XIRP2: variants seen among roughly 807,000 people sequenced by gnomAD.
XIRP2 encodes xin actin binding repeat containing 2, also known as xin actin-binding repeat-containing protein 2.
A neutral mutation model predicts 277.0 loss-of-function variants in XIRP2; 236 were observed. The ratio of observed to expected loss-of-function variants is 0.85; its 90% CI spans 0.77 to 0.95. The LOEUF is 0.95. Among genes scored for constraint, XIRP2 ranks in the 40% least tolerant of loss-of-function variants. XIRP2 has a pLI of 0.00. For synonymous variants in XIRP2, 1,490 were observed against 1,416.5 expected (o/e 1.05, Z -1.17); for missense variants, 4,640 against 4,157.5 (o/e 1.12, Z -3.19).
At chr2:166,965,826 A>T (rs4233812) in intron 2 of XIRP2, among the ~76,000 whole-genome samples, 79,828 of 151,586 alleles carry the variant, frequency 0.53, 23,068 homozygotes, top group East Asian at 0.82. Context: ...CAAGCCATCC[A>T]CCCACCTTGC....
chr2:167,221,460 C>CCA, intron 5 of XIRP2, among the ~76,000 whole-genome samples: 1 of 63,458 alleles, frequency 1.6e-5, no homozygotes, highest in Non-Finnish European at 3.6e-5. Context: ...AACTCCATCT[C>CCA]AAAAAAAAAA....
At chr2:167,199,039 G>A (rs1272026735) in intron 3 of XIRP2, among the ~76,000 whole-genome samples, 1 of 152,174 alleles carries the variant, frequency 6.6e-6, no homozygotes, top group Admixed American at 6.5e-5. Context: ...CAAACAAGAA[G>A]TGTGATTAGT....
chr2:167,068,828 A>G (rs983247145), intron 2 of XIRP2, among the ~76,000 whole-genome samples: 12 of 152,178 alleles, frequency 7.9e-5, no homozygotes, highest in African/African-American at 2.9e-4. Context: ...TAAATGTTAT[A>G]AGATGTGTCT....
intron 2 of XIRP2, among the ~76,000 whole-genome samples, chr2:167,135,194 A>C (rs957234941): frequency 6.6e-6 from 1 of 152,104 alleles, no homozygotes; most frequent in African/African-American, 2.4e-5. Flanking sequence ...TTTTTATTCA[A>C]AATATTTAGT....
chr2:166,889,227 A>G (rs1684034992), intron 1 of XIRP2, among the ~76,000 whole-genome samples: 1 of 152,192 alleles, frequency 6.6e-6, no homozygotes, highest in Non-Finnish European at 1.5e-5. Flanking sequence ...TCTGAATTCT[A>G]AAAACAGCAA....
chr2:167,018,797 A>G (rs528530523), intron 2 of XIRP2, among the ~76,000 whole-genome samples: 43 of 152,106 alleles, frequency 2.8e-4, no homozygotes, highest in Middle Eastern at 6.8e-3. Flanking sequence ...CTTAGTGTGC[A>G]TTTCCACTGA....
Position 166,911,929 on chromosome 2 carries a change from T to TA in XIRP2, c.408+8039_408+8040insA, listed in dbSNP as rs1205171892. The stretch of plus-strand genomic sequence containing the variant: ...AAATACTTTTCTTTAAGAATGTTGA[T>TA]TTGGCCTCCACTCTCTTCTGGCTTG... On this transcript the variant is annotated intron_variant, in intron 2 of 10. Transcript: ENST00000409195. Among the ~76,000 whole-genome samples, 93 of 151,324 alleles carry TA rather than the reference T, an allele frequency of 6.1e-4. 1 individual carries two copies. In the South Asian group the frequency reaches 0.018, roughly 29 times the overall value.
chr2:167,032,044 C>T (rs974708636), intron 2 of XIRP2, among the ~76,000 whole-genome samples: 9 of 152,132 alleles, frequency 5.9e-5, no homozygotes, highest in African/African-American at 2.2e-4. Flanking sequence ...TGCTACCTGA[C>T]TTCAAACTAT....
intron 2 of XIRP2, among the ~76,000 whole-genome samples, chr2:167,082,690 T>C (rs985347888): frequency 5.9e-5 from 9 of 152,240 alleles, no homozygotes; most frequent in Admixed American, 3.9e-4. Context: ...ATTTCTCTGA[T>C]GGCCACTGAT....
chr2:166,912,467 T>G (rs576879773), intron 2 of XIRP2, among the ~76,000 whole-genome samples: 1 of 152,372 alleles, frequency 6.6e-6, no homozygotes, highest in East Asian at 1.9e-4. Context: ...ATCAGGTCAT[T>G]TAATGACTTC....
intron 2 of XIRP2, among the ~76,000 whole-genome samples, chr2:167,038,030 A>G (rs1027016855): frequency 6.6e-6 from 1 of 152,106 alleles, no homozygotes; most frequent in African/African-American, 2.4e-5. Context: ...GCATTAGGAA[A>G]AAACAATTTG....
At chr2:167,109,424 G>T (rs1485418080) in intron 2 of XIRP2, among the ~76,000 whole-genome samples, 1 of 152,074 alleles carries the variant, frequency 6.6e-6, no homozygotes, top group Non-Finnish European at 1.5e-5. Flanking sequence ...GGGACTACAG[G>T]CATGTGCCAC....
At chr2:167,066,389 A>G (rs2105245440) in intron 2 of XIRP2, among the ~76,000 whole-genome samples, 1 of 152,136 alleles carries the variant, frequency 6.6e-6, no homozygotes, top group East Asian at 1.9e-4. Context: ...GCTCAGCATC[A>G]CTATCAGGAA....
At chr2:166,941,039 A>G (rs1466339989) in intron 2 of XIRP2, among the ~76,000 whole-genome samples, 3 of 152,190 alleles carry the variant, frequency 2.0e-5, no homozygotes, top group Non-Finnish European at 2.9e-5. Context: ...CCTTGCCCCG[A>G]GAGGTGGAGT....
intron 2 of XIRP2, among the ~76,000 whole-genome samples, chr2:167,038,970 A>G (rs1256647420): frequency 1.3e-5 from 2 of 152,156 alleles, no homozygotes; most frequent in African/African-American, 4.8e-5. Flanking sequence ...CTGACAAGCA[A>G]AACAGCTGAC....
At chr2:167,204,820 C>T (rs1693812763) in intron 3 of XIRP2, among the ~76,000 whole-genome samples, 1 of 151,726 alleles carries the variant, frequency 6.6e-6, no homozygotes, top group African/African-American at 2.4e-5. Flanking sequence ...ATTTTTTTTA[C>T]TTTGAATTTT....
intron 2 of XIRP2, among the ~76,000 whole-genome samples, chr2:166,945,764 C>T (rs1807780): frequency 0.28 from 42,427 of 149,926 alleles, 6,241 homozygotes; most frequent in South Asian, 0.39. Flanking sequence ...CTCCAACTCC[C>T]GGGTTCAAGC....
chr2:167,233,987 T>C (rs1425851628), intron 5 of XIRP2, among the ~76,000 whole-genome samples: 2 of 151,726 alleles, frequency 1.3e-5, no homozygotes, highest in Non-Finnish European at 3.0e-5. Flanking sequence ...CTAATATGTT[T>C]GACGACTCAG....
At chr2:166,944,975 AT>A in intron 2 of XIRP2, among the ~76,000 whole-genome samples, 1 of 152,234 alleles carries the variant, frequency 6.6e-6, no homozygotes, top group Admixed American at 6.5e-5. Context: ...CAACCAAAAT[AT>A]TGACAGCAGG....
Sources: allele counts gnomAD v4.1 joint callset (sites outside exome capture counted in the v4.1 genomes callset), GRCh38; gene constraint gnomAD v4.1.1; transcripts MANE v1.5; gene names NCBI Gene and HGNC (gene_info 2026-07-23, HGNC 2026-07-21).